ZNF17: variants seen among roughly 807,000 people sequenced by gnomAD.
The protein encoded by ZNF17 is zinc finger protein 17 (HPF3, KOX 10).
A neutral mutation model predicts 7.7 loss-of-function variants in ZNF17; 4 were observed. The observed-to-expected ratio is 0.52, with a 90% confidence interval of 0.26 to 1.20. The LOEUF (loss-of-function observed/expected upper bound fraction) is 1.20. Among genes scored for constraint, ZNF17 ranks in the 50% most tolerant of loss-of-function variants. ZNF17 has a pLI of 0.14. For synonymous variants in ZNF17, 249 were observed against 258.8 expected (o/e 0.96, Z 0.36); for missense variants, 738 against 799.5 (o/e 0.92, Z 0.93).
In ZNF17 at chr19:57,421,348, T is replaced by G. The variant is rs750729926; in HGVS notation, c.1862T>G (p.Phe621Cys). The change falls in exon 4 of 4, where the codon TTT (phenylalanine) becomes TGT (cysteine). Residue 621 changes from phenylalanine (F) to cysteine (C), a missense_variant. By Grantham distance (205) the Phe-to-Cys change is radical. Transcript: ENST00000307658. Reference protein sequence around the residue: ...PYECSECGKVFRYNSSLIKHR... With the variant: ...PYECSECGKVCRYNSSLIKHR... ...GAGTGCAGTGAATGTGGGAAAGTCT[T>G]TAGATACAACTCCAGCCTCATTAAA... 2 of 1,614,174 alleles carry G rather than the reference T, an allele frequency of 1.2e-6. No homozygotes were observed. Among genetic ancestry groups the G allele is most frequent in the South Asian group, 2.2e-5 (2 of 91,078 alleles).
chr19:57,418,878 T>G (rs975459743), intron 3 of ZNF17, among the ~76,000 whole-genome samples: 11 of 109,232 alleles, frequency 1.0e-4, no homozygotes, highest in African/African-American at 4.8e-4. Flanking sequence ...CTGTTCCCGT[T>G]TTTTGTTTTT....
At chr19:57,416,828 G>A (rs765657067) in intron 2 of ZNF17, among the ~76,000 whole-genome samples, 9 of 152,166 alleles carry the variant, frequency 5.9e-5, no homozygotes, top group Non-Finnish European at 8.8e-5. Flanking sequence ...TTTTGATGGC[G>A]CTTTTCAGTC....
intron 1 of ZNF17, 198 bp from the exon 2 acceptor site, chr19:57,413,398 T>A (rs957511800): frequency 5.3e-6 from 3 of 564,378 alleles, no homozygotes; most frequent in Non-Finnish European, 9.5e-6. Context: ...TAGTTGGCAA[T>A]CCTTTTAATC....
At chr19:57,411,620 G>A (rs939601319) in intron 1 of ZNF17, 33 of 1,376,656 alleles carry the variant, frequency 2.4e-5, no homozygotes, top group Admixed American at 3.0e-5. Context: ...GCACTGGGGA[G>A]CCCGAGCGTC....
chr19:57,413,511 G>C, intron 1 of ZNF17, 85 bp from the exon 2 acceptor site: 2 of 1,455,822 alleles, frequency 1.4e-6, no homozygotes, highest in Non-Finnish European at 1.9e-6. Flanking sequence ...CTTTGCTCTA[G>C]TTGCAGGGCC....
In ZNF17 at chr19:57,417,995, C is replaced by T. The variant is rs756192587; in HGVS notation, c.105C>T (p.His35=). The T allele has an allele frequency of 6.2e-6, 10 of 1,613,982 alleles. No homozygotes were observed. Among genetic ancestry groups the T allele is most frequent in the African/African-American group, 1.3e-5 (1 of 74,900 alleles). Reference sequence around the variant, plus strand: ...TTAATGACGTTCAGAGACACCTGCACAGCGATGTGATGCTGGAGAACTTTG... The same window carrying T: ...TTAATGACGTTCAGAGACACCTGCATAGCGATGTGATGCTGGAGAACTTTG... The part of the protein sequence containing the change: ...GILNDVQRHL[H]SDVMLENFAL... The change falls in exon 3 of 4, where the codon CAC becomes CAT. Residue 35 remains histidine, a synonymous_variant. Transcript: ENST00000307658.
At chr19:57,416,259 GC>G (rs1383679353) in intron 2 of ZNF17, among the ~76,000 whole-genome samples, 13 of 152,236 alleles carry the variant, frequency 8.5e-5, no homozygotes, top group Admixed American at 3.3e-4. Context: ...ATGGTAACAC[GC>G]CATGGAAATA....
chr19:57,419,599 A>C, intron 3 of ZNF17, 36 bp from the exon 4 acceptor site: 1 of 1,573,604 alleles, frequency 6.4e-7, no homozygotes, highest in African/African-American at 1.3e-5. Flanking sequence ...CTTCCCTCCA[A>C]AGTCATCATG....
rs768380174 is a variant in ZNF17 at position 57,420,401 on chromosome 19, G to A, written c.915G>A (p.Val305=). Residue 305 remains valine (V), a synonymous_variant, in exon 4 of 4, where the codon GTG becomes GTA. Transcript: ENST00000307658. ...QRIHTRPRPY[V]CSECGKAFLT... is the part of the protein sequence containing the mutation. ...TTCACACCAGGCCAAGGCCTTATGT[G>A]TGTAGTGAATGTGGGAAGGCCTTCC... 9.3e-6 allele frequency: 15 copies of A among 1,614,142 alleles called. No individual in the cohort carries two copies. The East Asian group carries it at 1.1e-4, about 12-fold the overall frequency.
Position 57,418,048 on chromosome 19 carries a change from T to A in ZNF17, c.148+10T>A. On this transcript the variant is annotated intron_variant, in intron 3 of 3. Coordinates refer to ENST00000307658, the MANE Select transcript of ZNF17 (RefSeq NM_001330617.2). ...CTTTTGTCCTCAGTAGGTAAGGCCC[T>A]GACACCTACGTCAGTGTCTTGTGCT... The A allele has an allele frequency of 1.2e-6, 2 of 1,610,606 alleles. No individual in the cohort carries two copies. Among genetic ancestry groups the A allele is most frequent in the Non-Finnish European group, 1.7e-6 (2 of 1,178,090 alleles).
rs2088773205 is a variant in ZNF17 at position 57,411,190 on chromosome 19, T to A, written c.-237T>A. On this transcript the variant is annotated 5_prime_UTR_variant, in exon 1 of 4. Coordinates refer to ENST00000307658, the MANE Select transcript of ZNF17 (RefSeq NM_001330617.2). ...CGCCTCCTGGGGTTGTCAATATGGC[T>A]GCGTTGGGATCTGTTCACCTTCAGG... is the stretch of plus-strand genomic sequence containing the variant. 3 of 663,916 alleles carry A rather than the reference T, an allele frequency of 4.5e-6. No homozygotes were observed. Among genetic ancestry groups the A allele is most frequent in the Non-Finnish European group, 7.3e-6 (3 of 413,654 alleles). The allele number at this position is 663,916 out of a possible 1,614,324, so 41.1% of individuals were successfully genotyped here. A position where few individuals can be genotyped will look rare whatever the true frequency, so the allele number is the denominator to read the frequency against.
At chr19:57,414,020 T>G (rs941211801) in intron 2 of ZNF17, among the ~76,000 whole-genome samples, 2 of 151,954 alleles carry the variant, frequency 1.3e-5, no homozygotes, top group Non-Finnish European at 2.9e-5. Flanking sequence ...CCTGAGGTTG[T>G]CTAGGTTTTT....
chr19:57,419,764 C>T lies in ZNF17; in HGVS notation c.278C>T (p.Ser93Leu). 2.5e-6 allele frequency: 4 copies of T among 1,614,188 alleles called. No individual in the cohort carries two copies. The highest frequency in any genetic ancestry group is 2.7e-5 in the African/African-American group (2 of 75,036). The change falls in exon 4 of 4, where the codon TCA (serine) becomes TTA (leucine). Residue 93 changes from serine (S) to leucine (L), a missense_variant. Transcript: ENST00000307658. ...QKAQPCETCS[S>L]LLKDILHLAE... is the part of the protein sequence containing the mutation. Reference sequence around the variant, plus strand: ...GCCCAGCCCTGTGAGACATGTAGCTCACTTCTGAAGGACATTCTACACCTG... The same window carrying T: ...GCCCAGCCCTGTGAGACATGTAGCTTACTTCTGAAGGACATTCTACACCTG...
chr19:57,420,250 A>C lies in ZNF17; in HGVS notation c.764A>C (p.Lys255Thr). 6.2e-7 allele frequency: 1 copy of C among 1,614,214 alleles called. No homozygotes were observed. Among genetic ancestry groups the C allele is most frequent in the Non-Finnish European group, 8.5e-7 (1 of 1,180,020 alleles). Residue 255 changes from lysine (K) to threonine (T), a missense_variant, in exon 4 of 4, where the codon AAA (lysine) becomes ACA (threonine). Around this residue, in one of 3 missense-constraint regions of ZNF17, gnomAD observed 616 missense variants for 663.9 expected, o/e 0.93. Coordinates refer to ENST00000307658, the MANE Select transcript of ZNF17 (RefSeq NM_001330617.2). Reference protein sequence around the residue: ...ERPYKCSECGKAFSLKYNVVQ... With the variant: ...ERPYKCSECGTAFSLKYNVVQ... ...CCTTATAAGTGTAGTGAATGTGGAA[A>C]AGCCTTCAGCCTCAAATACAATGTT...
chr19:57,412,505 C>T (rs545121222), intron 1 of ZNF17, among the ~76,000 whole-genome samples: 2 of 150,648 alleles, frequency 1.3e-5, no homozygotes, highest in African/African-American at 4.9e-5. Context: ...AGTGCAGTGG[C>T]GCGATCTCGG....
intron 1 of ZNF17, among the ~76,000 whole-genome samples, chr19:57,412,369 C>T (rs777884875): frequency 6.6e-6 from 1 of 152,134 alleles, no homozygotes. Flanking sequence ...GCAGGCAGGC[C>T]TGGTTGCTGA....
Position 57,420,659 on chromosome 19 carries a change from C to T in ZNF17, c.1173C>T (p.Asn391=), listed in dbSNP as rs2158009. The T allele has an allele frequency of 0.2, 323,064 of 1,612,882 alleles. 33,942 individuals are homozygous for T. Among genetic ancestry groups the T allele is most frequent in the East Asian group, 0.26 (11,540 of 44,796 alleles). Residue 391 remains asparagine, a synonymous_variant, in exon 4 of 4, where the codon AAC becomes AAT. Transcript: ENST00000307658. The stretch of plus-strand genomic sequence containing the variant: ...CTGGAGAAAAACCTTATGAATGCAA[C>T]GAATGTGGGAAATTCTTTAGATACC... The part of the protein sequence containing the change: ...VHTGEKPYEC[N]ECGKFFRYRS...
rs1178544330 is a variant in ZNF17, at chr19:57,419,978, TCAA to T, written c.498_500del (p.Gln167del). On this transcript the variant is annotated inframe_deletion, in exon 4 of 4. Transcript: ENST00000307658. ...AGGATTTTACTGGTGATTCAGATCT[TCAA>T]CAACAGGCTCTTCACAGTGGGTGGA... 1.2e-6 allele frequency: 2 copies of T among 1,614,106 alleles called. No individual in the cohort carries two copies. Among genetic ancestry groups the T allele is most frequent in the African/African-American group, 1.3e-5 (1 of 74,940 alleles).
chr19:57,411,300 AT>A lies in ZNF17; in HGVS notation c.-126del. The A allele has an allele frequency of 1.9e-6, 3 of 1,546,798 alleles. No homozygotes were observed. Among genetic ancestry groups the A allele is most frequent in the Non-Finnish European group, 2.6e-6 (3 of 1,142,504 alleles). ...AGAGGCTAGAGTGAGGCTCGGTTGA[AT>A]CGGTTGCAGGCGTTGGTGCCTCTGT... On this transcript the variant is annotated 5_prime_UTR_variant, in exon 1 of 4. Coordinates refer to ENST00000307658, the MANE Select transcript of ZNF17 (RefSeq NM_001330617.2).
Sources: gnomAD v4.1 joint callset for allele counts (sites outside exome capture counted in the v4.1 genomes callset) on GRCh38, gnomAD v4.1.1 for gene constraint, gnomAD v4.1.1 regional missense constraint, MANE v1.5 for transcripts, NCBI Gene and HGNC (gene_info 2026-07-23, HGNC 2026-07-21) for gene names.